ANK1: variants seen among roughly 807,000 people sequenced by gnomAD.
ANK1 encodes the protein ankyrin 1.
In ANK1, 51 loss-of-function variants were observed where a neutral mutation model predicts 210.4. That is an observed-to-expected ratio of 0.24 (90% CI 0.19 to 0.31). The LOEUF (loss-of-function observed/expected upper bound fraction) is 0.31, where lower values mean the gene tolerates loss of function less well. ANK1 is among the 10% of genes least tolerant of loss of function. The pLI is 1.00. For missense variants in ANK1, 2,051 were observed against 2,504.4 expected (o/e 0.82, Z 3.86); for synonymous variants, 967 against 1,025.9 (o/e 0.94, Z 1.10).
At chr8:41,877,139 A>G (rs973263239) in intron 1 of ANK1, among the ~76,000 whole-genome samples, 1 of 152,212 alleles carries the variant, frequency 6.6e-6, no homozygotes, top group African/African-American at 2.4e-5. Context: ...AGAAAAAATA[A>G]TAATTAAAAA....
intron 1 of ANK1, among the ~76,000 whole-genome samples, chr8:41,763,231 T>G (rs1412395793): frequency 7.8e-6 from 1 of 128,822 alleles, no homozygotes; most frequent in African/African-American, 2.9e-5. Context: ...AAAAAAAAAT[T>G]TATGACAGAC....
intron 1 of ANK1, among the ~76,000 whole-genome samples, chr8:41,844,243 G>T (rs1334332412): frequency 1.3e-5 from 2 of 152,188 alleles, no homozygotes; most frequent in African/African-American, 4.8e-5. Context: ...GCAGATCTTG[G>T]TATCCCCTCG....
intron 9 of ANK1, among the ~76,000 whole-genome samples, chr8:41,722,879 G>T (rs1240898374): frequency 6.6e-6 from 1 of 152,172 alleles, no homozygotes; most frequent in Non-Finnish European, 1.5e-5. Flanking sequence ...AGGGACCACG[G>T]CCTGCAAAGC....
At chr8:41,777,588 AC>A (rs1156458776) in intron 1 of ANK1, among the ~76,000 whole-genome samples, 6 of 152,098 alleles carry the variant, frequency 3.9e-5, no homozygotes, top group African/African-American at 7.2e-5. Flanking sequence ...TCTCAAAAAA[AC>A]AAAACAAAAC....
upstream of ANK1, among the ~76,000 whole-genome samples, chr8:41,798,548 G>A (rs539380374): frequency 2.6e-5 from 4 of 152,306 alleles, no homozygotes; most frequent in South Asian, 4.1e-4. Flanking sequence ...TGCAACGTCC[G>A]CCCGTCCAAC....
chr8:41,699,615 GCT>G (rs1822124559), intron 22 of ANK1, 67 bp from the exon 23 acceptor site: 5 of 1,478,206 alleles, frequency 3.4e-6, no homozygotes, highest in Non-Finnish European at 4.7e-6. Flanking sequence ...TTTTAAAAAA[GCT>G]CTGTTCCCGC....
In ANK1 at chr8:41,690,209, C is replaced by T. The variant is rs549820646; in HGVS notation, c.4104+18G>A. 57 of 1,614,106 alleles carry T rather than the reference C, an allele frequency of 3.5e-5. No homozygotes were observed. Among genetic ancestry groups the T allele is most frequent in the African/African-American group, 6.7e-5 (5 of 75,026 alleles). ...GAAGCCGTCTCGGGCCAAGGCTCCT[C>T]GGCAGGTGCCAGCTCACCTTGGCGC... On this transcript the variant is annotated intron_variant, in intron 33 of 42. Coordinates refer to ENST00000289734, the MANE Select transcript of ANK1 (RefSeq NM_000037.4).
intron 1 of ANK1, among the ~76,000 whole-genome samples, chr8:41,790,948 A>G (rs1302511820): frequency 6.6e-6 from 1 of 152,162 alleles, no homozygotes; most frequent in Non-Finnish European, 1.5e-5. Flanking sequence ...AGAAAAAGCA[A>G]ACTACAGGTA....
At chr8:41,819,634 G>C (rs2150788200) in intron 1 of ANK1, among the ~76,000 whole-genome samples, 1 of 152,266 alleles carries the variant, frequency 6.6e-6, no homozygotes, top group South Asian at 2.1e-4. Flanking sequence ...GATGACAAAA[G>C]CCCTTAAGAA....
chr8:41,715,303 G>C (rs567208205), intron 14 of ANK1, among the ~76,000 whole-genome samples: 27 of 152,322 alleles, frequency 1.8e-4, no homozygotes, highest in African/African-American at 6.0e-4. Flanking sequence ...ACCTCACAGT[G>C]GTAGTTGATT....
chr8:41,753,521 G>A (rs1296849046), intron 2 of ANK1, among the ~76,000 whole-genome samples: 3 of 152,062 alleles, frequency 2.0e-5, no homozygotes, highest in African/African-American at 2.4e-5. Flanking sequence ...CCAGGGGCAC[G>A]CTGTCCCAGT....
intron 18 of ANK1, among the ~76,000 whole-genome samples, chr8:41,705,728 C>T (rs557937452): frequency 6.6e-6 from 1 of 152,212 alleles, no homozygotes; most frequent in Non-Finnish European, 1.5e-5. Context: ...CTGCAGACAC[C>T]TCGACGGCAG....
chr8:41,706,359 C>T, intron 17 of ANK1, 118 bp from the exon 18 acceptor site: 1 of 913,538 alleles, frequency 1.1e-6, no homozygotes, highest in Non-Finnish European at 1.7e-6. Context: ...AGTTATTTGG[C>T]TCCAGGCAAA....
intron 1 of ANK1, chr8:41,789,073 C>G (rs1470104035): frequency 1.3e-5 from 2 of 152,266 alleles, no homozygotes; most frequent in African/African-American, 2.4e-5. Flanking sequence ...CTGGCACACT[C>G]TCTTGCTTTC....
At chr8:41,894,309 A>T (rs1820017826) in intron 1 of ANK1, among the ~76,000 whole-genome samples, 1 of 152,182 alleles carries the variant, frequency 6.6e-6, no homozygotes. Context: ...CTACTGACGC[A>T]GTATGCTGCG....
chr8:41,727,156 C>A (rs1310703048), intron 5 of ANK1, 94 bp downstream of exon 5: 4 of 920,934 alleles, frequency 4.3e-6, no homozygotes, highest in Non-Finnish European at 7.2e-6. Flanking sequence ...GACATGGATG[C>A]ACCCCAAGCC....
intron 1 of ANK1, among the ~76,000 whole-genome samples, chr8:41,884,309 T>C (rs940441383): frequency 6.6e-6 from 1 of 152,100 alleles, no homozygotes; most frequent in African/African-American, 2.4e-5. Flanking sequence ...GAACACGCCA[T>C]TGCACTCCAG....
intron 16 of ANK1, among the ~76,000 whole-genome samples, chr8:41,709,387 C>T (rs1359934256): frequency 1.3e-5 from 2 of 152,230 alleles, no homozygotes; most frequent in African/African-American, 2.4e-5. Flanking sequence ...CAAGTGCTGC[C>T]CTCTGGGCCT....
In ANK1 at chr8:41,692,821, G is replaced by A. The variant is rs773855280; in HGVS notation, c.3685C>T (p.Leu1229=). The change falls in exon 31 of 43, where the codon CTG becomes TTG. Residue 1229 remains leucine (L), a synonymous_variant. Coordinates refer to ENST00000289734, the MANE Select transcript of ANK1 (RefSeq NM_000037.4). ...TAEAVNFATL[L]YKELTAVPYM... ...GGCACTGCAGTGAGCTCTTTGTACA[G>A]CAGGGTGGCAAAGTTCACAGCCTCA... 1.9e-6 allele frequency: 3 copies of A among 1,614,162 alleles called. No individual in the cohort carries two copies. Among genetic ancestry groups the A allele is most frequent in the South Asian group, 2.2e-5 (2 of 91,084 alleles).
Sources: gnomAD v4.1 joint callset for allele counts (sites outside exome capture counted in the v4.1 genomes callset) on GRCh38, gnomAD v4.1.1 for gene constraint, MANE v1.5 for transcripts, NCBI Gene and HGNC (gene_info 2026-07-23, HGNC 2026-07-21) for gene names.